The following QSOX1 variants were observed in gnomAD, a reference collection of about 807,000 sequenced individuals.
QSOX1 encodes quiescin sulfhydryl oxidase 1.
QSOX1 carries 40 observed loss-of-function variants against 76.1 expected under a neutral mutation model. That is an observed-to-expected ratio of 0.53 (90% confidence interval 0.41 to 0.68). The LOEUF is 0.68. Ranked by LOEUF, QSOX1 falls within the 30% of genes least tolerant of loss-of-function variation. The pLI, the probability that QSOX1 is intolerant of heterozygous loss-of-function variation, is 0.00. For synonymous variants in QSOX1, 392 were observed against 413.1 expected (o/e 0.95, Z 0.62); for missense variants, 931 against 974.3 (o/e 0.96, Z 0.59).
chr1:180,189,482 A>G, intron 8 of QSOX1, 70 bp from the exon 9 acceptor site: 1 of 911,856 alleles, frequency 1.1e-6, no homozygotes, highest in East Asian at 5.9e-5. Flanking sequence ...ATAGCTTCCT[A>G]CCATCTGCAG....
In QSOX1 at chr1:180,183,970, C is replaced by T. The variant is rs1663104381; in HGVS notation, c.807C>T (p.Leu269=). Residue 269 remains leucine (L), a synonymous_variant, in exon 7 of 12, where the codon CTC becomes CTT. Transcript: ENST00000367602. ...CTTACCTGCAGAGACTCTCTGGGCTCACCAGGGAGGCTGCCCAGACCACAG... is the reference window on the plus strand; with the variant it reads ...CTTACCTGCAGAGACTCTCTGGGCTTACCAGGGAGGCTGCCCAGACCACAG... The part of the protein sequence containing the change: ...YTAYLQRLSG[L]TREAAQTTVA... 2 of 1,613,594 alleles carry T rather than the reference C, an allele frequency of 1.2e-6. No homozygotes were observed. Among genetic ancestry groups the T allele is most frequent in the African/African-American group, 1.3e-5 (1 of 74,910 alleles).
chr1:180,154,882 G>T lies in QSOX1; in HGVS notation c.-26G>T. On this transcript the variant is annotated 5_prime_UTR_variant, in exon 1 of 12. Transcript: ENST00000367602. ...GGGACCCGACTCATCCGGTGCTTGCGTGTGGTGGTGAGCGCAGCGCCGAGG... is the reference window on the plus strand; with the variant it reads ...GGGACCCGACTCATCCGGTGCTTGCTTGTGGTGGTGAGCGCAGCGCCGAGG... 7.2e-7 allele frequency: 1 copy of T among 1,388,648 alleles called. No homozygotes were observed. The highest frequency in any genetic ancestry group is 1.6e-5 in the South Asian group (1 of 63,630). The allele number at this position is 1,388,648 out of a possible 1,614,324, so 86.0% of individuals were successfully genotyped here.
intron 10 of QSOX1, among the ~76,000 whole-genome samples, chr1:180,191,102 C>A (rs990315742): frequency 6.6e-6 from 1 of 152,198 alleles, no homozygotes; most frequent in East Asian, 1.9e-4. Flanking sequence ...TGTTCTCCGG[C>A]CACGCTGCCC....
chr1:180,197,146 G>A lies in QSOX1; in HGVS notation c.*109G>A. 6.7e-7 allele frequency: 1 copy of A among 1,494,624 alleles called. No homozygotes were observed. The highest frequency in any genetic ancestry group is 8.9e-7 in the Non-Finnish European group (1 of 1,122,682). 92.6% of individuals were successfully genotyped at this position (1,494,624 alleles called of 1,614,324 possible). A position where few individuals can be genotyped will look rare whatever the true frequency, so the allele number is the denominator to read the frequency against. On this transcript the variant is annotated 3_prime_UTR_variant, in exon 12 of 12. Transcript: ENST00000367602. ...CTTGCTCCTTGTCTGGCCTAGAAGT[G>A]TGGGAAATTCAGGAAAACGAGTTGC... is the stretch of plus-strand genomic sequence containing the variant.
In QSOX1 at chr1:180,198,061, C is replaced by T. The variant is rs186805172; in HGVS notation, c.*1024C>T. On this transcript the variant is annotated 3_prime_UTR_variant, in exon 12 of 12. Transcript: ENST00000367602. The stretch of plus-strand genomic sequence containing the variant: ...CATTGGTGTGTTCTTTAACTTGCTA[C>T]TTGGAGACCTAGTGTCCAGTCTGGA... 1.0e-5 allele frequency: 4 copies of T among 400,786 alleles called. No individual in the cohort carries two copies. Among genetic ancestry groups the T allele is most frequent in the East Asian group, 1.5e-4 (2 of 13,528 alleles). 24.8% of individuals were successfully genotyped at this position (400,786 alleles called of 1,614,324 possible). A position where few individuals can be genotyped will look rare whatever the true frequency, so the allele number is the denominator to read the frequency against.
At chr1:180,189,518 T>C (rs985939246) in intron 8 of QSOX1, 34 bp from the exon 9 acceptor site, 14 of 1,493,562 alleles carry the variant, frequency 9.4e-6, no homozygotes, top group Middle Eastern at 4.3e-4. Flanking sequence ...GAATTGCTTT[T>C]CACTCTCCAG....
In QSOX1 at chr1:180,199,134, G is replaced by T. The variant is rs908857126; in HGVS notation, c.*2097G>T. 6.6e-6 allele frequency: 1 copy of T among 152,316 alleles called. No individual in the cohort carries two copies. The highest frequency in any genetic ancestry group is 1.5e-5 in the Non-Finnish European group (1 of 68,154). 9.4% of individuals were successfully genotyped at this position (152,316 alleles called of 1,614,324 possible). A position where few individuals can be genotyped will look rare whatever the true frequency, so the allele number is the denominator to read the frequency against. On this transcript the variant is annotated 3_prime_UTR_variant, in exon 12 of 12. Coordinates refer to ENST00000367602, the MANE Select transcript of QSOX1 (RefSeq NM_002826.5). ...GCCTCTGGCAGCCAAGCCTCTTTTC[G>T]CCCGGCCCCAGCCCCTCTGGTTGAT...
At chr1:180,179,979 C>T (rs1381474494) in intron 5 of QSOX1, among the ~76,000 whole-genome samples, 2 of 152,238 alleles carry the variant, frequency 1.3e-5, no homozygotes, top group Non-Finnish European at 2.9e-5. Flanking sequence ...CCTCCCACCA[C>T]AGTCCTTGAG....
At chr1:180,174,231 G>A (rs536143609) in intron 2 of QSOX1, among the ~76,000 whole-genome samples, 7 of 152,218 alleles carry the variant, frequency 4.6e-5, no homozygotes, top group Admixed American at 1.3e-4. Flanking sequence ...TCGGAAGAGC[G>A]CAGGCAAAAG....
chr1:180,195,011 A>T, intron 11 of QSOX1, among the ~76,000 whole-genome samples: 1 of 150,322 alleles, frequency 6.7e-6, no homozygotes, highest in Non-Finnish European at 1.5e-5. Context: ...GGGGGAGACC[A>T]GGGCGGAGCC....
rs539208834 is a variant in QSOX1 at position 180,197,001 on chromosome 1, G to C, written c.2208G>C (p.Arg736Ser). The part of the protein sequence containing the change: ...AMYTYFQAKI[R>S]ALKGHAGHPA... ...ACACCTACTTCCAGGCCAAGATAAG[G>C]GCCCTGAAGGGCCATGCTGGCCACC... Residue 736 changes from arginine to serine, a missense_variant, in exon 12 of 12, where the codon AGG becomes AGC. Arg to Ser is a moderately radical substitution (Grantham distance 110, BLOSUM62 -1). Transcript: ENST00000367602. 8.1e-6 allele frequency: 13 copies of C among 1,612,016 alleles called. No homozygotes were observed. In the African/African-American group the frequency reaches 1.7e-4, roughly 21 times the overall value.
chr1:180,176,091 T>A, intron 4 of QSOX1, 58 bp downstream of exon 4: 2 of 1,399,570 alleles, frequency 1.4e-6, no homozygotes, highest in Non-Finnish European at 2.0e-6. Flanking sequence ...GGCCTGGGAG[T>A]GAGAGGGTGG....
At chr1:180,170,137 A>G (rs1572042016) in intron 2 of QSOX1, among the ~76,000 whole-genome samples, 2 of 152,148 alleles carry the variant, frequency 1.3e-5, no homozygotes, top group African/African-American at 2.4e-5. Flanking sequence ...AGGTCCTTGA[A>G]TGCAGGTTTG....
chr1:180,158,808 C>G (rs1469348131), intron 1 of QSOX1, among the ~76,000 whole-genome samples: 1 of 152,170 alleles, frequency 6.6e-6, no homozygotes, highest in Non-Finnish European at 1.5e-5. Flanking sequence ...ACTTAACACT[C>G]GGAGGCTGCA....
At chr1:180,182,714 G>A (rs1663071739) in intron 6 of QSOX1, among the ~76,000 whole-genome samples, 1 of 152,174 alleles carries the variant, frequency 6.6e-6, no homozygotes, top group African/African-American at 2.4e-5. Context: ...TTGCAGAAAA[G>A]TTCATTAGCA....
intron 7 of QSOX1, 63 bp downstream of exon 7, chr1:180,184,113 T>A: frequency 6.4e-7 from 1 of 1,562,130 alleles, no homozygotes; most frequent in South Asian, 1.1e-5. Flanking sequence ...CACCACACCT[T>A]CACACCCACG....
At chr1:180,187,175 C>T (rs1257043347) in intron 8 of QSOX1, among the ~76,000 whole-genome samples, 1 of 152,204 alleles carries the variant, frequency 6.6e-6, no homozygotes, top group African/African-American at 2.4e-5. Context: ...GTCCTGGCCC[C>T]CTGGCTTGGT....
intron 1 of QSOX1, among the ~76,000 whole-genome samples, chr1:180,160,506 G>A (rs77592832): frequency 0.033 from 4,969 of 152,038 alleles, 184 homozygotes; most frequent in African/African-American, 0.085. Context: ...CCACTGGGCA[G>A]ACTAAAGGAT....
intron 2 of QSOX1, among the ~76,000 whole-genome samples, chr1:180,173,930 G>A (rs888417096): frequency 2.0e-5 from 3 of 152,222 alleles, no homozygotes; most frequent in Non-Finnish European, 4.4e-5. Context: ...AGCAGTTGAT[G>A]CGTTGCCCAA....
Sources: gnomAD v4.1 joint callset for allele counts (sites outside exome capture counted in the v4.1 genomes callset) on GRCh38, gnomAD v4.1.1 for gene constraint, MANE v1.5 for transcripts, NCBI Gene and HGNC (gene_info 2026-07-23, HGNC 2026-07-21) for gene names.